The following BACE2 variants were observed in gnomAD, a reference collection of about 807,000 sequenced individuals.
BACE2 encodes the protein 56 kDa aspartic-like protease.
BACE2 carries 17 observed loss-of-function variants against 46.2 expected under a neutral mutation model. That is an observed-to-expected ratio of 0.37 (90% CI 0.25 to 0.55). The LOEUF (loss-of-function observed/expected upper bound fraction) is 0.55, where lower values mean the gene tolerates loss of function less well. Ranked by LOEUF, BACE2 falls within the 20% of genes least tolerant of loss-of-function variation. BACE2 has a pLI of 0.82. For synonymous variants in BACE2, 277 were observed against 295.9 expected (o/e 0.94, Z 0.66); for missense variants, 595 against 698.1 (o/e 0.85, Z 1.66).
chr21:41,190,562 C>T (rs1045204416), intron 1 of BACE2, among the ~76,000 whole-genome samples: 2 of 152,310 alleles, frequency 1.3e-5, no homozygotes, highest in Middle Eastern at 3.4e-3. Context: ...TGATGACTGC[C>T]TTCTTCTACT....
intron 6 of BACE2, among the ~76,000 whole-genome samples, chr21:41,249,649 A>C (rs1036465862): frequency 6.6e-6 from 1 of 152,120 alleles, no homozygotes; most frequent in East Asian, 1.9e-4. Flanking sequence ...TTGGCCCTCC[A>C]GCCCAGCTCC....
chr21:41,228,542 G>A (rs1986884465), intron 2 of BACE2, among the ~76,000 whole-genome samples: 1 of 152,210 alleles, frequency 6.6e-6, no homozygotes, highest in African/African-American at 2.4e-5. Context: ...AGTGTGCAGA[G>A]ATCACATGGG....
chr21:41,212,075 T>C (rs1986318415), intron 1 of BACE2, among the ~76,000 whole-genome samples: 1 of 152,230 alleles, frequency 6.6e-6, no homozygotes, highest in South Asian at 2.1e-4. Context: ...TCAGAAAGCT[T>C]CTCTTAGTCC....
At chr21:41,199,273 G>C (rs1458010252) in intron 1 of BACE2, among the ~76,000 whole-genome samples, 1 of 151,934 alleles carries the variant, frequency 6.6e-6, no homozygotes, top group African/African-American at 2.4e-5. Flanking sequence ...CTGGCTGCCG[G>C]AGTCCCTTCC....
chr21:41,168,662 C>A, intron 1 of BACE2, 87 bp downstream of exon 1: 1 of 1,090,006 alleles, frequency 9.2e-7, no homozygotes, highest in Non-Finnish European at 1.2e-6. Context: ...GGCTTAGCGT[C>A]GCCCCCAAAG....
Position 41,280,268 on chromosome 21 carries a change from C to T in BACE2, c.*4644C>T, listed in dbSNP as rs574679110. The T allele has an allele frequency of 6.6e-6, 1 of 152,410 alleles. No individual in the cohort carries two copies. The highest frequency in any genetic ancestry group is 2.4e-5 in the African/African-American group (1 of 41,576). The allele number at this position is 152,410 out of a possible 1,614,324, so 9.4% of individuals were successfully genotyped here. On this transcript the variant is annotated 3_prime_UTR_variant, in exon 9 of 9. Transcript: ENST00000330333. ...GTCTGAGCATCTGGAAGGCTCCTGG[C>T]AGCAGTTACCTGACAGTGTCGTTGA...
At chr21:41,226,231 CT>C in intron 1 of BACE2, 34 bp from the exon 2 acceptor site, 1 of 1,530,252 alleles carries the variant, frequency 6.5e-7, no homozygotes, top group Non-Finnish European at 9.0e-7. Context: ...TAACTTGATG[CT>C]TTCTATTTTT....
At chr21:41,262,989 G>A (rs761424359) in intron 8 of BACE2, among the ~76,000 whole-genome samples, 1 of 145,562 alleles carries the variant, frequency 6.9e-6, no homozygotes. Context: ...TATATTTTTT[G>A]TGATGCCCTC....
At chr21:41,260,891 T>C (rs1341493325) in intron 8 of BACE2, among the ~76,000 whole-genome samples, 1 of 148,414 alleles carries the variant, frequency 6.7e-6, no homozygotes, top group Non-Finnish European at 1.5e-5. Context: ...GTTTGGTTTA[T>C]TTTTTTTTAT....
intron 1 of BACE2, among the ~76,000 whole-genome samples, chr21:41,174,917 G>C (rs1469295607): frequency 6.6e-6 from 1 of 152,188 alleles, no homozygotes; most frequent in East Asian, 1.9e-4. Flanking sequence ...CTGTGAGGCA[G>C]GTGGGCAGCC....
intron 7 of BACE2, 135 bp downstream of exon 7, chr21:41,251,036 A>G (rs1395234341): frequency 5.3e-5 from 50 of 935,480 alleles, no homozygotes; most frequent in Non-Finnish European, 7.3e-5. Context: ...ACAGCCACAC[A>G]TATTACTGCT....
rs575861075 is a variant in BACE2 at position 41,223,919 on chromosome 21, C to G, written c.313-2347C>G. ...CCCAAGGGTGTGAGTGGATGGATCC[C>G]AGAAGTGATTCCTGAGCTGAGCCCC... is the stretch of plus-strand genomic sequence containing the variant. On this transcript the variant is annotated intron_variant, in intron 1 of 8. Transcript: ENST00000330333. 1.8e-3 allele frequency among the ~76,000 whole-genome samples: 274 copies of G among 152,222 alleles called. 1 individual carries two copies. Among genetic ancestry groups the G allele is most frequent in the Non-Finnish European group, 2.9e-3 (196 of 68,022 alleles).
chr21:41,191,140 T>C (rs2123512966), intron 1 of BACE2, among the ~76,000 whole-genome samples: 1 of 152,264 alleles, frequency 6.6e-6, no homozygotes, highest in Non-Finnish European at 1.5e-5. Flanking sequence ...AACAGTACCA[T>C]ATATGGGACG....
At chr21:41,236,524 C>T (rs564230135) in intron 2 of BACE2, 1 of 152,384 alleles carries the variant, frequency 6.6e-6, no homozygotes, top group East Asian at 1.9e-4. Flanking sequence ...GTGTCAGGCT[C>T]TCGGTCATGT....
intron 1 of BACE2, among the ~76,000 whole-genome samples, chr21:41,174,439 A>G (rs890345040): frequency 6.6e-6 from 1 of 152,026 alleles, no homozygotes; most frequent in Non-Finnish European, 1.5e-5. Context: ...CCGCGCGGCC[A>G]AGTGGCTATT....
intron 3 of BACE2, among the ~76,000 whole-genome samples, chr21:41,241,013 T>C (rs1987271662): frequency 6.6e-6 from 1 of 152,174 alleles, no homozygotes; most frequent in Admixed American, 6.5e-5. Context: ...GGTCACCAAC[T>C]CCAGTGTCTC....
chr21:41,225,016 C>T (rs1440715917), intron 1 of BACE2, among the ~76,000 whole-genome samples: 4 of 152,116 alleles, frequency 2.6e-5, no homozygotes, highest in Non-Finnish European at 5.9e-5. Flanking sequence ...GGGCAGATCA[C>T]GACTTCAGGA....
At chr21:41,239,835 G>A (rs891584074) in intron 3 of BACE2, among the ~76,000 whole-genome samples, 8 of 152,156 alleles carry the variant, frequency 5.3e-5, no homozygotes, top group South Asian at 2.1e-4. Context: ...GAAAACTTCC[G>A]TTCCTAAATA....
chr21:41,262,022 T>A (rs1987950022), intron 8 of BACE2, among the ~76,000 whole-genome samples: 2 of 152,184 alleles, frequency 1.3e-5, no homozygotes, highest in South Asian at 4.1e-4. Context: ...AGTAAGGACA[T>A]TCTCCTATAT....
Sources: gnomAD v4.1 joint callset for allele counts (sites outside exome capture counted in the v4.1 genomes callset) on GRCh38, gnomAD v4.1.1 for gene constraint, MANE v1.5 for transcripts, NCBI Gene and HGNC (gene_info 2026-07-23, HGNC 2026-07-21) for gene names.